TENM3: variants seen among roughly 807,000 people sequenced by gnomAD.
The protein encoded by TENM3 is teneurin-3.
Under a neutral mutation model 255.1 loss-of-function variants are expected in TENM3, and 63 were observed. That is an observed-to-expected ratio of 0.25 (90% confidence interval 0.20 to 0.30). The LOEUF is 0.30. Ranked by LOEUF, TENM3 falls within the 10% of genes least tolerant of loss-of-function variation. The pLI is 1.00. For synonymous variants in TENM3, 1,306 were observed against 1,322.3 expected, an observed-to-expected ratio of 0.99 and a Z score of 0.27; for missense variants, 2,929 against 3,461.1, an observed-to-expected ratio of 0.85 and a Z score of 3.86.
chr4:182,094,062 G>A, the TENM3 span, among the ~76,000 whole-genome samples: 1 of 152,098 alleles, frequency 6.6e-6, no homozygotes, highest in African/African-American at 2.4e-5. Flanking sequence ...CACAGAAATA[G>A]TGGGCAGTGG....
chr4:181,598,996 C>G, the TENM3 span, among the ~76,000 whole-genome samples: 1 of 152,024 alleles, frequency 6.6e-6, no homozygotes, highest in Non-Finnish European at 1.5e-5. Context: ...TAATGTTAAC[C>G]AATGGACAGT....
At chr4:182,219,067 C>A (rs1389618967) in intron 1 of TENM3, among the ~76,000 whole-genome samples, 1 of 152,076 alleles carries the variant, frequency 6.6e-6, no homozygotes, top group East Asian at 1.9e-4. Context: ...ACTAAAAATA[C>A]AAAAATTAAC....
the TENM3 span, among the ~76,000 whole-genome samples, chr4:182,107,903 G>A: frequency 2.6e-5 from 4 of 152,068 alleles, no homozygotes; most frequent in Non-Finnish European, 4.4e-5. Context: ...TTTTTAGATA[G>A]GTAAGTGCAA....
At chr4:181,473,851 T>TATATTCTGTGTATAAA in the TENM3 span, among the ~76,000 whole-genome samples, 31 of 133,302 alleles carry the variant, frequency 2.3e-4, no homozygotes, top group African/African-American at 8.2e-4. Flanking sequence ...ATATATACAG[T>TATATTCTGTGTATAAA]ATATATTCTG....
chr4:181,743,481 A>T, the TENM3 span, among the ~76,000 whole-genome samples: 1 of 152,246 alleles, frequency 6.6e-6, no homozygotes, highest in East Asian at 1.9e-4. Context: ...TGAGAAAGTG[A>T]TATTTGAGCA....
the TENM3 span, among the ~76,000 whole-genome samples, chr4:181,893,105 T>C: frequency 6.6e-6 from 1 of 152,198 alleles, no homozygotes; most frequent in Non-Finnish European, 1.5e-5. Flanking sequence ...ATTAATATAA[T>C]TCCGTATTCC....
the TENM3 span, among the ~76,000 whole-genome samples, chr4:181,525,396 C>CAAAAAAAAAAAAAAAA: frequency 8.2e-5 from 8 of 97,316 alleles, no homozygotes; most frequent in East Asian, 3.4e-4. Context: ...GACCCTGTTT[C>CAAAAAAAAAAAAAAAA]AAAAAAAAAA....
At chr4:181,983,339 A>G in the TENM3 span, among the ~76,000 whole-genome samples, 1 of 152,152 alleles carries the variant, frequency 6.6e-6, no homozygotes, top group Non-Finnish European at 1.5e-5. Flanking sequence ...GCGAGAACAC[A>G]TAGAATTCCA....
the TENM3 span, among the ~76,000 whole-genome samples, chr4:181,814,679 A>G: frequency 6.6e-6 from 1 of 152,118 alleles, no homozygotes; most frequent in Non-Finnish European, 1.5e-5. Context: ...TTTAAAGTAG[A>G]GATTTGACAG....
intron 22 of TENM3, among the ~76,000 whole-genome samples, chr4:182,757,477 T>C (rs2152759392): frequency 6.6e-6 from 1 of 152,270 alleles, no homozygotes; most frequent in Admixed American, 6.5e-5. Flanking sequence ...CCTTACTCGT[T>C]CCCAGGAGTT....
the TENM3 span, among the ~76,000 whole-genome samples, chr4:181,502,719 G>T: frequency 6.6e-6 from 1 of 152,204 alleles, no homozygotes; most frequent in East Asian, 1.9e-4. Context: ...AGGGAAAGAG[G>T]GAAGAAGGAG....
chr4:181,895,248 T>C, the TENM3 span, among the ~76,000 whole-genome samples: 7 of 152,190 alleles, frequency 4.6e-5, no homozygotes, highest in East Asian at 1.2e-3. Flanking sequence ...TGTTGACTAT[T>C]TTTTATCTTT....
chr4:181,995,215 G>A, the TENM3 span, among the ~76,000 whole-genome samples: 2 of 151,868 alleles, frequency 1.3e-5, no homozygotes, highest in African/African-American at 2.4e-5. Context: ...GCTTGAACCC[G>A]GGGGGCGGAG....
Position 182,682,013 on chromosome 4 carries a change from C to T in TENM3, c.2034C>T (p.Asn678=), listed in dbSNP as rs975870105. The T allele has an allele frequency of 8.1e-6, 13 of 1,613,226 alleles. No homozygotes were observed. The highest frequency in any genetic ancestry group is 3.3e-5 in the Admixed American group (2 of 60,004). Residue 678 remains asparagine (N), a splice_region_variant and synonymous_variant, in exon 11 of 28, where the codon AAC becomes AAT. Transcript: ENST00000511685. ...ACTGGACTGGCCCAGACTGCTCAAA[C>T]GGTGAGGTTAATAAATGCAGTACAA... is the stretch of plus-strand genomic sequence containing the variant. ...DPNWTGPDCS[N]EICSVDCGSH... is the part of the protein sequence containing the mutation.
rs556876131 is a variant in TENM3, at chr4:182,177,951, G to T, written c.-76+33197G>T. Among the ~76,000 whole-genome samples the T allele has an allele frequency of 1.7e-3, 175 of 105,096 alleles. 1 individual carries two copies. The highest frequency in any genetic ancestry group is 4.1e-3 in the African/African-American group (117 of 28,374). The allele number at this position is 105,096 out of a possible 152,430, so 68.9% of individuals were successfully genotyped here. ...TTTTGTCCAATATTTTATATGTTTTGGTTTTTGTTTTTTTTTTTTTTTTTG... is the reference window on the plus strand; with the variant it reads ...TTTTGTCCAATATTTTATATGTTTTTGTTTTTGTTTTTTTTTTTTTTTTTG... On this transcript the variant is annotated intron_variant, in intron 1 of 2. Transcript: ENST00000512480.
At chr4:181,883,239 G>T in the TENM3 span, among the ~76,000 whole-genome samples, 1 of 150,170 alleles carries the variant, frequency 6.7e-6, no homozygotes, top group Admixed American at 6.7e-5. Context: ...GAGAGACCAA[G>T]GAACTAATAC....
the TENM3 span, among the ~76,000 whole-genome samples, chr4:182,117,094 G>A: frequency 1.3e-5 from 2 of 152,134 alleles, no homozygotes; most frequent in Non-Finnish European, 2.9e-5. Context: ...CTTCCTTGGT[G>A]TAGTGTCTGA....
chr4:181,951,117 G>T, the TENM3 span, among the ~76,000 whole-genome samples: 19 of 152,146 alleles, frequency 1.2e-4, no homozygotes, highest in Non-Finnish European at 2.1e-4. Flanking sequence ...TCTTAATTTG[G>T]ATAATGTTAT....
chr4:182,484,658 G>A (rs1282546101), intron 3 of TENM3, among the ~76,000 whole-genome samples: 1 of 152,114 alleles, frequency 6.6e-6, no homozygotes, highest in Non-Finnish European at 1.5e-5. Context: ...TAATGATAAA[G>A]AAAAGCTGTC....
Sources: gnomAD v4.1 joint callset for allele counts (sites outside exome capture counted in the v4.1 genomes callset) on GRCh38, gnomAD v4.1.1 for gene constraint, MANE v1.5 for transcripts, NCBI Gene and HGNC (gene_info 2026-07-23, HGNC 2026-07-21) for gene names.